AMPH: variants seen among roughly 807,000 people sequenced by gnomAD.
The protein encoded by AMPH is amphiphysin, also known as amphiphysin (Stiff-Mann syndrome with breast cancer 128kD autoantigen).
AMPH carries 49 observed loss-of-function variants against 99.1 expected under a neutral mutation model. The observed-to-expected ratio is 0.49, with a 90% CI of 0.39 to 0.63. The LOEUF is 0.63. Ranked by LOEUF, AMPH falls within the 20% of genes least tolerant of loss-of-function variation. The pLI is 0.00. For missense variants in AMPH, 759 were observed against 863.4 expected (o/e 0.88, Z 1.52); for synonymous variants, 314 against 317.3 (o/e 0.99, Z 0.11).
intron 1 of AMPH, among the ~76,000 whole-genome samples, chr7:38,604,817 T>C (rs12531317): frequency 0.037 from 5,625 of 152,304 alleles, 173 homozygotes; most frequent in Admixed American, 0.079. Context: ...AAGTTCTTTT[T>C]TCTCACCCTT....
At chr7:38,591,697 T>C (rs1173133672) in intron 1 of AMPH, among the ~76,000 whole-genome samples, 2 of 152,140 alleles carry the variant, frequency 1.3e-5, no homozygotes, top group Admixed American at 1.3e-4. Context: ...CCACTAACAA[T>C]AAACACATAA....
At chr7:38,401,120 T>C (rs574109924) in intron 17 of AMPH, among the ~76,000 whole-genome samples, 1 of 152,210 alleles carries the variant, frequency 6.6e-6, no homozygotes, top group Non-Finnish European at 1.5e-5. Flanking sequence ...TTAACAGTTC[T>C]ATTAGCATTA....
At chr7:38,405,351 CAT>C (rs1267921760) in intron 17 of AMPH, among the ~76,000 whole-genome samples, 5 of 152,242 alleles carry the variant, frequency 3.3e-5, no homozygotes, top group East Asian at 3.9e-4. Flanking sequence ...CAAAACCTCA[CAT>C]GTCAATATTA....
chr7:38,415,313 G>A (rs1286019555), intron 17 of AMPH, among the ~76,000 whole-genome samples: 1 of 152,114 alleles, frequency 6.6e-6, no homozygotes, highest in Non-Finnish European at 1.5e-5. Flanking sequence ...AATGCATTCT[G>A]TCAAAACTTG....
chr7:38,454,101 C>A (rs904594557), intron 11 of AMPH, among the ~76,000 whole-genome samples: 1 of 152,212 alleles, frequency 6.6e-6, no homozygotes, highest in African/African-American at 2.4e-5. Flanking sequence ...TAAATCACAT[C>A]TCAAGCCCCA....
intron 11 of AMPH, among the ~76,000 whole-genome samples, chr7:38,458,780 C>A (rs1282117943): frequency 6.6e-6 from 1 of 152,088 alleles, no homozygotes; most frequent in Non-Finnish European, 1.5e-5. Context: ...AAGCTGAAAG[C>A]CTTTCTTCTA....
intron 2 of AMPH, among the ~76,000 whole-genome samples, chr7:38,506,009 CAT>C (rs1281869745): frequency 6.6e-6 from 1 of 152,134 alleles, no homozygotes; most frequent in Non-Finnish European, 1.5e-5. Context: ...GTGGAAGTAA[CAT>C]GTGCTACTTT....
At chr7:38,568,443 C>T (rs759128329) in intron 1 of AMPH, among the ~76,000 whole-genome samples, 13 of 152,130 alleles carry the variant, frequency 8.5e-5, no homozygotes, top group Middle Eastern at 3.4e-3. Flanking sequence ...CCAGCCTGGG[C>T]GGCAAAGCGA....
At chr7:38,462,563 C>A (rs1787489674) in intron 10 of AMPH, among the ~76,000 whole-genome samples, 3 of 152,028 alleles carry the variant, frequency 2.0e-5, no homozygotes. Context: ...CCAGGTGTAC[C>A]AAAAAATGTG....
chr7:38,589,444 C>T (rs1054174919), intron 1 of AMPH, among the ~76,000 whole-genome samples: 1 of 152,126 alleles, frequency 6.6e-6, no homozygotes, highest in Non-Finnish European at 1.5e-5. Context: ...GATAAGATTG[C>T]CTGTCTCATA....
intron 1 of AMPH, among the ~76,000 whole-genome samples, chr7:38,541,958 T>C (rs538347234): frequency 3.8e-4 from 58 of 152,222 alleles, no homozygotes; most frequent in Non-Finnish European, 6.6e-4. Flanking sequence ...ATCACACATC[T>C]ACCTGAAAAG....
Position 38,571,257 on chromosome 7 carries a change from A to AT in AMPH, c.70-36247_70-36246insA, listed in dbSNP as rs1562835081. On this transcript the variant is annotated intron_variant, in intron 1 of 20. Transcript: ENST00000356264. ...ATATATATAATTATAAATATATATT[A>AT]AATATATATTTATATATATATTTTT... is the stretch of plus-strand genomic sequence containing the variant. 1.6e-4 allele frequency among the ~76,000 whole-genome samples: 10 copies of AT among 61,874 alleles called. No homozygotes were observed. In the East Asian group the frequency reaches 4.1e-3, roughly 25 times the overall value. The allele number at this position is 61,874 out of a possible 152,430, so 40.6% of individuals were successfully genotyped here. A position where few individuals can be genotyped will look rare whatever the true frequency, so the allele number is the denominator to read the frequency against.
At chr7:38,514,575 A>G (rs1789665089) in intron 2 of AMPH, among the ~76,000 whole-genome samples, 1 of 152,204 alleles carries the variant, frequency 6.6e-6, no homozygotes, top group African/African-American at 2.4e-5. Context: ...TGATGGCTTC[A>G]CCTTCATGAA....
rs186521905 is a variant in AMPH, at chr7:38,561,671, A to G, written c.70-26660T>C. Among the ~76,000 whole-genome samples the G allele has an allele frequency of 3.4e-3, 520 of 152,308 alleles. 6 individuals are homozygous for G. The highest frequency in any genetic ancestry group is 0.012 in the African/African-American group (486 of 41,570). On this transcript the variant is annotated intron_variant, in intron 1 of 20. Coordinates refer to ENST00000356264, the MANE Select transcript of AMPH (RefSeq NM_001635.4). ...GAATGTTTGTGTCCCAGCGAAATTC[A>G]TATGTTGAAACCCTAATCTTCAATG...
chr7:38,613,612 T>C (rs889112360), intron 1 of AMPH, among the ~76,000 whole-genome samples: 2 of 152,220 alleles, frequency 1.3e-5, no homozygotes, highest in Admixed American at 6.5e-5. Context: ...TTTCATAAAA[T>C]GCTCTCCACT....
chr7:38,556,664 T>A (rs929257153), intron 1 of AMPH, among the ~76,000 whole-genome samples: 3 of 152,238 alleles, frequency 2.0e-5, no homozygotes, highest in Non-Finnish European at 2.9e-5. Flanking sequence ...CCCCCTGCTC[T>A]GCTTTATTTT....
At chr7:38,582,036 T>C (rs1449797288) in intron 1 of AMPH, among the ~76,000 whole-genome samples, 1 of 152,058 alleles carries the variant, frequency 6.6e-6, no homozygotes, top group African/African-American at 2.4e-5. Flanking sequence ...TGGAAATACA[T>C]GCCTGGTATA....
At chr7:38,520,118 ATAATC>A in intron 2 of AMPH, among the ~76,000 whole-genome samples, 1 of 152,200 alleles carries the variant, frequency 6.6e-6, no homozygotes, top group East Asian at 1.9e-4. Flanking sequence ...GTATATGCAT[ATAATC>A]TTAGAATCAG....
chr7:38,395,034 C>T (rs1784629072), intron 17 of AMPH, among the ~76,000 whole-genome samples: 1 of 152,126 alleles, frequency 6.6e-6, no homozygotes, highest in Non-Finnish European at 1.5e-5. Context: ...ATGACTAAGA[C>T]GTGCCTTGGT....
Sources: gnomAD v4.1 joint callset for allele counts (sites outside exome capture counted in the v4.1 genomes callset) on GRCh38, gnomAD v4.1.1 for gene constraint, MANE v1.5 for transcripts, NCBI Gene and HGNC (gene_info 2026-07-23, HGNC 2026-07-21) for gene names.